Variants in POLR3A observed in about 807,000 individuals in gnomAD.
The protein encoded by POLR3A is DNA-directed RNA polymerase III subunit RPC1.
POLR3A carries 112 observed loss-of-function variants against 152.8 expected under a neutral mutation model. The observed-to-expected ratio is 0.73, with a 90% confidence interval of 0.63 to 0.86. The LOEUF (loss-of-function observed/expected upper bound fraction) is 0.86, where lower values mean the gene tolerates loss of function less well. Among genes scored for constraint, POLR3A ranks in the 40% least tolerant of loss-of-function variants. POLR3A has a pLI of 0.00. For missense variants in POLR3A, 1,385 were observed against 1,743.1 expected (o/e 0.79, Z 3.66); for synonymous variants, 615 against 652.1 (o/e 0.94, Z 0.87).
At chr10:77,992,412 G>T (rs1284649601) in intron 20 of POLR3A, among the ~76,000 whole-genome samples, 1 of 149,980 alleles carries the variant, frequency 6.7e-6, no homozygotes, top group Non-Finnish European at 1.5e-5. Flanking sequence ...GGAACTTTAG[G>T]AGCATGCCAT....
intron 5 of POLR3A, 115 bp from the exon 6 acceptor site, chr10:78,022,499 C>G: frequency 9.1e-7 from 1 of 1,095,156 alleles, no homozygotes; most frequent in Non-Finnish European, 1.4e-6. Flanking sequence ...TAAGTGACAA[C>G]AGAGATTTCT....
chr10:77,989,142 A>G (rs1847224279), intron 21 of POLR3A, among the ~76,000 whole-genome samples: 1 of 152,260 alleles, frequency 6.6e-6, no homozygotes, highest in Non-Finnish European at 1.5e-5. Flanking sequence ...ATGAAAACTG[A>G]AACAATCTGC....
At chr10:78,010,411 G>T in intron 12 of POLR3A, 60 bp downstream of exon 12, 1 of 1,239,990 alleles carries the variant, frequency 8.1e-7, no homozygotes, top group Non-Finnish European at 1.2e-6. Context: ...GAATCACTAT[G>T]AACGAGGAAC....
Position 78,004,658 on chromosome 10 carries a change from A to G in POLR3A, c.2247+58T>C. 6 of 1,366,232 alleles carry G rather than the reference A, an allele frequency of 4.4e-6. No individual in the cohort carries two copies. In the South Asian group the frequency reaches 5.9e-5, roughly 14 times the overall value. The allele number at this position is 1,366,232 out of a possible 1,614,324, so 84.6% of individuals were successfully genotyped here. A position where few individuals can be genotyped will look rare whatever the true frequency, so the allele number is the denominator to read the frequency against. ...ATGGCTCAGCACAACCCCAGAGAGC[A>G]CCACCGTAGCCACTGTGCACGGCAA... On this transcript the variant is annotated intron_variant, in intron 16 of 30. Transcript: ENST00000372371.
At chr10:77,978,835 A>T (rs1466350699) in intron 30 of POLR3A, among the ~76,000 whole-genome samples, 5 of 143,080 alleles carry the variant, frequency 3.5e-5, no homozygotes, top group African/African-American at 7.8e-5. Flanking sequence ...TAATTTTTAT[A>T]TTTTTTTTAG....
chr10:78,020,164 A>G (rs2131957080), intron 8 of POLR3A: 1 of 127,018 alleles, frequency 7.9e-6, no homozygotes, highest in East Asian at 2.2e-4. Flanking sequence ...ATAGAGTGAG[A>G]CTCAGTCTCA....
At chr10:77,980,061 CAT>C (rs768312313) in intron 30 of POLR3A, 78 bp downstream of exon 30, 640 of 1,357,750 alleles carry the variant, frequency 4.7e-4, no homozygotes, top group Admixed American at 1.3e-3. Flanking sequence ...CAGTTTTTTT[CAT>C]TCCCTTGGAA....
At chr10:78,005,039 T>C (rs1847397797) in intron 15 of POLR3A, 151 bp from the exon 16 acceptor site, 1 of 700,600 alleles carries the variant, frequency 1.4e-6, no homozygotes, top group Non-Finnish European at 2.6e-6. Flanking sequence ...CTTCACAGAA[T>C]TCATCACAAT....
At chr10:78,027,751 G>T (rs1274159977) in intron 1 of POLR3A, among the ~76,000 whole-genome samples, 1 of 152,054 alleles carries the variant, frequency 6.6e-6, no homozygotes, top group Non-Finnish European at 1.5e-5. Context: ...TAGAGATGAG[G>T]TTTTACCATA....
At chr10:78,009,779 C>T in intron 13 of POLR3A, 85 bp downstream of exon 13, 2 of 1,609,132 alleles carry the variant, frequency 1.2e-6, no homozygotes, top group Non-Finnish European at 1.7e-6. Flanking sequence ...AAGCCTAGCA[C>T]CAACACGGTT....
At chr10:78,026,757 T>C (rs1847638982) in intron 1 of POLR3A, among the ~76,000 whole-genome samples, 1 of 152,224 alleles carries the variant, frequency 6.6e-6, no homozygotes, top group Admixed American at 6.5e-5. Flanking sequence ...CACATACATG[T>C]TGATGTCTAT....
At chr10:78,003,238 TTCTC>T (rs1250610857) in intron 16 of POLR3A, among the ~76,000 whole-genome samples, 7 of 152,184 alleles carry the variant, frequency 4.6e-5, no homozygotes, top group East Asian at 1.9e-4. Context: ...GGATATCCTT[TTCTC>T]TCTCTCTAAG....
rs1420318725 is a variant in POLR3A at position 78,019,148 on chromosome 10, T to C, written c.1289+14A>G. Reference sequence around the variant, plus strand: ...AGAAAGTAGTTAAATCCAACTAGATTGGGAAAAGATTACCTTTTCATCTGC... The same window carrying C: ...AGAAAGTAGTTAAATCCAACTAGATCGGGAAAAGATTACCTTTTCATCTGC... On this transcript the variant is annotated intron_variant, in intron 9 of 30. Transcript: ENST00000372371. 1 of 1,573,214 alleles carries C rather than the reference T, an allele frequency of 6.4e-7. No individual in the cohort carries two copies. Among genetic ancestry groups the C allele is most frequent in the Non-Finnish European group, 8.8e-7 (1 of 1,142,604 alleles).
chr10:77,984,245 C>T lies in POLR3A; in HGVS notation c.3296G>A (p.Arg1099His), dbSNP rs1225262284. The change falls in exon 25 of 31, where the codon CGC becomes CAC. Residue 1099 changes from arginine (R) to histidine (H), a missense_variant. This residue lies in a region of POLR3A where 332 missense variants were observed against 400.1 expected (regional missense o/e 0.83). Transcript: ENST00000372371. The part of the protein sequence containing the change: ...LDKDDDADYA[R>H]LVKGRIEKTL... Reference sequence around the variant, plus strand: ...TTTCTCAATTCTCCCTTTCACGAGGCGAGCATAATCCGCGTCGTCATCCTT... The same window carrying T: ...TTTCTCAATTCTCCCTTTCACGAGGTGAGCATAATCCGCGTCGTCATCCTT... 2 of 1,613,090 alleles carry T rather than the reference C, an allele frequency of 1.2e-6. No homozygotes were observed. The highest frequency in any genetic ancestry group is 3.3e-5 in the Admixed American group (2 of 60,008).
chr10:77,992,438 C>CTTTTTTTTTTTTTT (rs71030926), intron 20 of POLR3A, among the ~76,000 whole-genome samples: 1 of 76,538 alleles, frequency 1.3e-5, no homozygotes, highest in African/African-American at 5.2e-5. Flanking sequence ...CTGGCTAATT[C>CTTTTTTTTTTTTTT]TTTTTTTTTT....
intron 19 of POLR3A, among the ~76,000 whole-genome samples, chr10:77,996,259 A>G (rs1435387761): frequency 6.6e-6 from 1 of 152,230 alleles, no homozygotes; most frequent in Non-Finnish European, 1.5e-5. Context: ...GAATAAGAGA[A>G]GCAAGAGCAA....
rs909743861 is a variant in POLR3A at position 78,001,112 on chromosome 10, A to T, written c.2360-18T>A. 3.8e-6 allele frequency: 5 copies of T among 1,313,584 alleles called. No homozygotes were observed. Among genetic ancestry groups the T allele is most frequent in the Non-Finnish European group, 5.5e-6 (5 of 906,906 alleles). The allele number at this position is 1,313,584 out of a possible 1,614,324, so 81.4% of individuals were successfully genotyped here. Reference sequence around the variant, plus strand: ...GAAGGAACCTGGGGACATGGACCAGAAATGTAACATTCATTTACCAAAATA... The same window carrying T: ...GAAGGAACCTGGGGACATGGACCAGTAATGTAACATTCATTTACCAAAATA... On this transcript the variant is annotated intron_variant, in intron 17 of 30. Coordinates refer to ENST00000372371, the MANE Select transcript of POLR3A (RefSeq NM_007055.4).
intron 9 of POLR3A, among the ~76,000 whole-genome samples, chr10:78,018,004 T>C (rs1847541350): frequency 6.6e-6 from 1 of 151,418 alleles, no homozygotes; most frequent in African/African-American, 2.4e-5. Context: ...TGAGACCTTG[T>C]CTCTACAAAA....
At chr10:78,028,181 T>G (rs1248675796) in intron 1 of POLR3A, among the ~76,000 whole-genome samples, 3 of 152,242 alleles carry the variant, frequency 2.0e-5, no homozygotes, top group Non-Finnish European at 4.4e-5. Flanking sequence ...ACTCTCCTGT[T>G]GAAAATCCTT....
Sources: gnomAD v4.1 joint callset for allele counts (sites outside exome capture counted in the v4.1 genomes callset) on GRCh38, gnomAD v4.1.1 for gene constraint, gnomAD v4.1.1 regional missense constraint, MANE v1.5 for transcripts, NCBI Gene and HGNC (gene_info 2026-07-23, HGNC 2026-07-21) for gene names.